The following CD163 variants were observed in gnomAD, a reference collection of about 807,000 sequenced individuals.
CD163 encodes the protein scavenger receptor cysteine-rich type 1 protein M130.
Under a neutral mutation model 129.2 loss-of-function variants are expected in CD163, and 64 were observed. The observed-to-expected ratio is 0.50, with a 90% confidence interval of 0.41 to 0.61. The LOEUF (loss-of-function observed/expected upper bound fraction) is 0.61. CD163 is among the 20% of genes least tolerant of loss of function. The pLI is 0.00. For synonymous variants in CD163, 446 were observed against 478.5 expected, an observed-to-expected ratio of 0.93 and a Z score of 0.89; for missense variants, 1,061 against 1,377.9, an observed-to-expected ratio of 0.77 and a Z score of 3.64.
chr12:7,486,676 C>T lies in CD163; in HGVS notation c.2281G>A (p.Gly761Ser), dbSNP rs1283340974. The change falls in exon 10 of 17, where the codon GGC becomes AGC. Residue 761 changes from glycine to serine, a missense_variant. Transcript: ENST00000432237. ...SDAHVVCRQL[G>S]CGEAINATGS... ...GTGGCATTAATGGCCTCTCCACAGC[C>T]CAGCTGTCTGCAAACCACGTGGGCA... 1 of 1,614,022 alleles carries T rather than the reference C, an allele frequency of 6.2e-7. No homozygotes were observed. Among genetic ancestry groups the T allele is most frequent in the Non-Finnish European group, 8.5e-7 (1 of 1,180,034 alleles).
At position 7,483,367 on chromosome 12, in the gene CD163, C is replaced by T. The variant is rs760010924; in HGVS notation, c.3088G>A (p.Asp1030Asn). The T allele has an allele frequency of 4.8e-5, 78 of 1,610,054 alleles. No individual in the cohort carries two copies. Among genetic ancestry groups the T allele is most frequent in the Non-Finnish European group, 5.9e-5 (70 of 1,178,044 alleles). Reference sequence around the variant, plus strand: ...CTCAATCCAGGCTTCTGGCACTTACCTGTGCAATTCACTGCAGCGTCTTCC... The same window carrying T: ...CTCAATCCAGGCTTCTGGCACTTACTTGTGCAATTCACTGCAGCGTCTTCC... ...HKEDAAVNCT[D>N]ISVQKTPQKA... The change falls in exon 12 of 17, where the codon GAT becomes AAT. Residue 1030 changes from aspartate (D) to asparagine (N), a missense_variant and splice_region_variant. Coordinates refer to ENST00000432237, the MANE Select transcript of CD163 (RefSeq NM_203416.4).
Position 7,487,282 on chromosome 12 carries a change from T to A in CD163, c.2050+77A>T. 7.0e-7 allele frequency: 1 copy of A among 1,419,452 alleles called. No homozygotes were observed. Among genetic ancestry groups the A allele is most frequent in the Admixed American group, 2.5e-5 (1 of 39,276 alleles). 87.9% of individuals were successfully genotyped at this position (1,419,452 alleles called of 1,614,324 possible). A position where few individuals can be genotyped will look rare whatever the true frequency, so the allele number is the denominator to read the frequency against. On this transcript the variant is annotated intron_variant, in intron 8 of 16. Coordinates refer to ENST00000432237, the MANE Select transcript of CD163 (RefSeq NM_203416.4). This position sits in a 1 kb window ranked among gnomAD's most constrained non-coding sequence, Gnocchi z 5.1. ...CTCATGACCCTTCAAAATGGATCACTGCGTTTTACTTTTGTTCTTCATCCC... is the reference window on the plus strand; with the variant it reads ...CTCATGACCCTTCAAAATGGATCACAGCGTTTTACTTTTGTTCTTCATCCC...
rs945627096 is a variant in CD163 at position 7,485,570 on chromosome 12, A to T, written c.2459-154T>A. On this transcript the variant is annotated intron_variant, in intron 10 of 16. Coordinates refer to ENST00000432237, the MANE Select transcript of CD163 (RefSeq NM_203416.4). This position sits in a 1 kb window ranked among gnomAD's most constrained non-coding sequence, Gnocchi z 4.5. ...TCGTTAGTAACTTCTGGATGATTTC[A>T]TAGATATTATTAAAATATTTTATTT... Among the ~76,000 whole-genome samples, 3 of 152,180 alleles carry T rather than the reference A, an allele frequency of 2.0e-5. No homozygotes were observed. Among genetic ancestry groups the T allele is most frequent in the African/African-American group, 7.2e-5 (3 of 41,450 alleles).
chr12:7,479,990 G>A, intron 15 of CD163, 77 bp from the exon 16 acceptor site: 1 of 1,607,214 alleles, frequency 6.2e-7, no homozygotes, highest in Non-Finnish European at 8.5e-7. Context: ...TGACTCATGG[G>A]AATTTTCTGA....
chr12:7,497,981 C>G (rs1225074279), intron 4 of CD163, among the ~76,000 whole-genome samples: 2 of 152,154 alleles, frequency 1.3e-5, no homozygotes, highest in African/African-American at 4.8e-5. Context: ...TCAAGACATG[C>G]AGAAAGAGAT....
At chr12:7,497,287 G>A (rs1949416682) in intron 4 of CD163, among the ~76,000 whole-genome samples, 154 bp from the exon 5 acceptor site, 1 of 149,662 alleles carries the variant, frequency 6.7e-6, no homozygotes. Flanking sequence ...AATCATTCAA[G>A]ATGGAAGGAG....
chr12:7,476,858 C>T (rs990966796), intron 16 of CD163, among the ~76,000 whole-genome samples: 1 of 152,162 alleles, frequency 6.6e-6, no homozygotes, highest in Non-Finnish European at 1.5e-5. Flanking sequence ...GAGCTAATAA[C>T]CAGAATCTAC....
At chr12:7,477,238 G>C (rs1279378383) in intron 16 of CD163, among the ~76,000 whole-genome samples, 1 of 152,122 alleles carries the variant, frequency 6.6e-6, no homozygotes, top group Non-Finnish European at 1.5e-5. Context: ...CCATTACTGG[G>C]TATACACCCA....
intron 1 of CD163, chr12:7,502,812 C>G (rs933446430): frequency 3.6e-6 from 2 of 555,648 alleles, no homozygotes; most frequent in Middle Eastern, 2.6e-4. Flanking sequence ...GTGGTGGAAA[C>G]GAGAATTGCA....
rs1949477332 is a variant in CD163 at position 7,501,049 on chromosome 12, G to C, written c.457+90C>G. The C allele has an allele frequency of 1.0e-5, 11 of 1,060,702 alleles. No homozygotes were observed. The South Asian group carries it at 1.2e-4, about 11-fold the overall frequency. 65.7% of individuals were successfully genotyped at this position (1,060,702 alleles called of 1,614,324 possible). ...TATACATGAACTAGATTGCTTACAG[G>C]AAAGTGGCTTATTCTAGGTTTTAAC... On this transcript the variant is annotated intron_variant, in intron 3 of 16. Transcript: ENST00000432237.
chr12:7,481,074 A>T, intron 15 of CD163, 87 bp downstream of exon 15: 1 of 1,520,054 alleles, frequency 6.6e-7, no homozygotes, highest in Admixed American at 2.1e-5. Context: ...GACTTTTTTA[A>T]CTGTTTATCA....
At position 7,501,380 on chromosome 12, in the gene CD163, C is replaced by A; in HGVS notation, c.216G>T (p.Trp72Cys). The change falls in exon 3 of 17, where the codon TGG becomes TGT. Residue 72 changes from tryptophan to cysteine, a missense_variant. Physicochemically the swap from Trp to Cys is radical, Grantham distance 215. Transcript: ENST00000432237. Reference sequence around the variant, plus strand: ...TCCAGCCATTATTACACACCGTTCCCCACTCCTCCTGGACTTTCACTTCCA... The same window carrying A: ...TCCAGCCATTATTACACACCGTTCCACACTCCTCCTGGACTTTCACTTCCA... ...GRVEVKVQEEWGTVCNNGWSM... is the reference protein window; with the variant it reads ...GRVEVKVQEECGTVCNNGWSM... The A allele has an allele frequency of 6.2e-7, 1 of 1,614,090 alleles. No homozygotes were observed. Among genetic ancestry groups the A allele is most frequent in the Non-Finnish European group, 8.5e-7 (1 of 1,179,984 alleles).
In CD163 at chr12:7,501,347, T is replaced by G. The variant is rs2136746692; in HGVS notation, c.249A>C (p.Glu83Asp). The G allele has an allele frequency of 6.2e-7, 1 of 1,614,114 alleles. No homozygotes were observed. Among genetic ancestry groups the G allele is most frequent in the Admixed American group, 1.7e-5 (1 of 60,006 alleles). Reference protein sequence around the residue: ...GTVCNNGWSMEAVSVICNQLG... With the variant: ...GTVCNNGWSMDAVSVICNQLG... ...GCTGGTTACAAATCACAGAGACCGC[T>G]TCCATGCTCCAGCCATTATTACACA... is the stretch of plus-strand genomic sequence containing the variant. The change falls in exon 3 of 17, where the codon GAA becomes GAC. Residue 83 changes from glutamate (E) to aspartate (D), a missense_variant. Transcript: ENST00000432237.
intron 6 of CD163, 96 bp downstream of exon 6, chr12:7,494,985 G>A (rs1339289095): frequency 2.2e-6 from 2 of 897,036 alleles, no homozygotes; most frequent in Non-Finnish European, 3.6e-6. Context: ...TTTCTTGAGA[G>A]TGATCTAGTC....
intron 14 of CD163, 95 bp downstream of exon 14, chr12:7,482,548 A>G: frequency 7.2e-7 from 1 of 1,380,496 alleles, no homozygotes; most frequent in Non-Finnish European, 1.0e-6. Context: ...TTTAGAGTCC[A>G]TCTTTCTGGC....
chr12:7,496,935 C>T lies in CD163; in HGVS notation c.977G>A (p.Gly326Glu). Reference protein sequence around the residue: ...IGRVNASKGFGHIWLDSVSCQ... With the variant: ...IGRVNASKGFEHIWLDSVSCQ... ...AGAAACGCTGTCAAGCCAGATGTGT[C>T]CAAATCCCTTACTGGCGTTAACTCG... Residue 326 changes from glycine to glutamate, a missense_variant, in exon 5 of 17, where the codon GGA becomes GAA. By Grantham distance (98) the Gly-to-Glu change is moderately conservative (BLOSUM62 -2). Coordinates refer to ENST00000432237, the MANE Select transcript of CD163 (RefSeq NM_203416.4). This position sits in a 1 kb window ranked among gnomAD's most constrained non-coding sequence, Gnocchi z 4.8. The T allele has an allele frequency of 6.2e-7, 1 of 1,614,082 alleles. No homozygotes were observed. The highest frequency in any genetic ancestry group is 8.5e-7 in the Non-Finnish European group (1 of 1,179,996).
In CD163 at chr12:7,496,490, A is replaced by G. The variant is rs905118970; in HGVS notation, c.1099+323T>C. Among the ~76,000 whole-genome samples the G allele has an allele frequency of 6.6e-6, 1 of 152,190 alleles. No individual in the cohort carries two copies. Among genetic ancestry groups the G allele is most frequent in the East Asian group, 1.9e-4 (1 of 5,202 alleles). On this transcript the variant is annotated intron_variant, in intron 5 of 16. Coordinates refer to ENST00000432237, the MANE Select transcript of CD163 (RefSeq NM_203416.4). The surrounding 1 kb of genome is among the most constrained non-coding windows in gnomAD (Gnocchi z 4.8). ...CACATCTATCCCAGAACTTAAAGTAAAAAAATAAGTAAATTAAAAAAATTT... is the reference window on the plus strand; with the variant it reads ...CACATCTATCCCAGAACTTAAAGTAGAAAAATAAGTAAATTAAAAAAATTT...
At chr12:7,498,389 T>C (rs1343565132) in intron 4 of CD163, among the ~76,000 whole-genome samples, 1 of 152,106 alleles carries the variant, frequency 6.6e-6, no homozygotes, top group Non-Finnish European at 1.5e-5. Context: ...AAAGTTTTAA[T>C]GAGAAACCAA....
At chr12:7,498,754 G>T (rs1047113646) in intron 4 of CD163, 114 bp downstream of exon 4, 1 of 1,008,674 alleles carries the variant, frequency 9.9e-7, no homozygotes, top group African/African-American at 1.6e-5. Context: ...GTTAAAATGC[G>T]GTGACAAAAG....
Sources: allele counts gnomAD v4.1 joint callset (sites outside exome capture counted in the v4.1 genomes callset), GRCh38; gene constraint gnomAD v4.1.1; non-coding constraint Gnocchi (gnomAD v3.1); transcripts MANE v1.5; gene names NCBI Gene and HGNC (gene_info 2026-07-23, HGNC 2026-07-21).